Variants in CDK17 observed in about 807,000 individuals in gnomAD.
CDK17 encodes the protein cyclin dependent kinase 17.
Under a neutral mutation model 77.6 loss-of-function variants are expected in CDK17, and 24 were observed. The observed-to-expected ratio is 0.31, with a 90% CI of 0.22 to 0.44. The LOEUF is 0.44. Ranked by LOEUF, CDK17 falls within the 20% of genes least tolerant of loss-of-function variation. The probability of loss-of-function intolerance (pLI) is 1.00; values close to 1 mark genes in which losing one functional copy is unlikely to be tolerated. For missense variants in CDK17, 429 were observed against 622.5 expected (o/e 0.69, Z 3.31); for synonymous variants, 203 against 210.4 (o/e 0.96, Z 0.30).
chr12:96,361,635 A>G (rs1318734367), intron 1 of CDK17, among the ~76,000 whole-genome samples: 1 of 152,236 alleles, frequency 6.6e-6, no homozygotes, highest in East Asian at 1.9e-4. Context: ...TTAAATAATC[A>G]ATACCAAAAT....
At chr12:96,329,633 A>G (rs1192757006) in intron 2 of CDK17, among the ~76,000 whole-genome samples, 49 of 152,150 alleles carry the variant, frequency 3.2e-4, no homozygotes, top group African/African-American at 2.4e-5. Flanking sequence ...TTCAGCGTCA[A>G]CCTTTCAAGG....
intron 3 of CDK17, 139 bp from the exon 4 acceptor site, chr12:96,313,593 A>G (rs1370359074): frequency 2.2e-6 from 1 of 444,848 alleles, no homozygotes; most frequent in Non-Finnish European, 3.9e-6. Flanking sequence ...TGCCACAGGT[A>G]TGCAGTTAAT....
Position 96,279,608 on chromosome 12 carries a change from G to A in CDK17, c.*634C>T, listed in dbSNP as rs1198601978. ...TCCTCAAAATGTCAGGGATTCACTTGCTTGAATCAACTTCTGCATCACATG... is the reference window on the plus strand; with the variant it reads ...TCCTCAAAATGTCAGGGATTCACTTACTTGAATCAACTTCTGCATCACATG... On this transcript the variant is annotated 3_prime_UTR_variant, in exon 17 of 17. Transcript: ENST00000261211. 1.3e-5 allele frequency: 2 copies of A among 152,278 alleles called. No homozygotes were observed. Among genetic ancestry groups the A allele is most frequent in the Admixed American group, 6.5e-5 (1 of 15,278 alleles). The allele number at this position is 152,278 out of a possible 1,614,324, so 9.4% of individuals were successfully genotyped here. A position where few individuals can be genotyped will look rare whatever the true frequency, so the allele number is the denominator to read the frequency against.
intron 15 of CDK17, chr12:96,281,676 T>C (rs985586640): frequency 6.6e-6 from 1 of 152,262 alleles, no homozygotes; most frequent in Non-Finnish European, 1.5e-5. Context: ...GAAATACAAA[T>C]ATCTTTAAAA....
chr12:96,344,851 T>C (rs1953177592), intron 1 of CDK17, among the ~76,000 whole-genome samples: 1 of 152,184 alleles, frequency 6.6e-6, no homozygotes, highest in South Asian at 2.1e-4. Flanking sequence ...AGTTCTGGGG[T>C]ATATGTGCAA....
intron 1 of CDK17, among the ~76,000 whole-genome samples, chr12:96,390,436 C>T (rs552891061): frequency 7.4e-5 from 11 of 147,896 alleles, no homozygotes; most frequent in East Asian, 2.1e-4. Flanking sequence ...TGGCCAGGTG[C>T]GGTGGCTCAC....
At chr12:96,340,871 A>G (rs1953112017) in intron 1 of CDK17, among the ~76,000 whole-genome samples, 1 of 152,218 alleles carries the variant, frequency 6.6e-6, no homozygotes. Context: ...GCTCAGGAGT[A>G]CATGAACATG....
At chr12:96,282,642 T>C in intron 14 of CDK17, 43 bp from the exon 15 acceptor site, 1 of 1,343,636 alleles carries the variant, frequency 7.4e-7, no homozygotes, top group East Asian at 2.3e-5. Context: ...TTTTCTCTAA[T>C]TACTGCAAAA....
chr12:96,279,852 T>G lies in CDK17; in HGVS notation c.*390A>C. On this transcript the variant is annotated 3_prime_UTR_variant, in exon 17 of 17. Coordinates refer to ENST00000261211, the MANE Select transcript of CDK17 (RefSeq NM_002595.5). ...GTGAGGAGAAACAGATGCATTCACA[T>G]ATAATAAAGCCACTGCAACTTCTTC... is the stretch of plus-strand genomic sequence containing the variant. The G allele has an allele frequency of 6.1e-6, 1 of 165,056 alleles. No individual in the cohort carries two copies. Among genetic ancestry groups the G allele is most frequent in the Non-Finnish European group, 1.3e-5 (1 of 76,544 alleles). The allele number at this position is 165,056 out of a possible 1,614,324, so 10.2% of individuals were successfully genotyped here. A position where few individuals can be genotyped will look rare whatever the true frequency, so the allele number is the denominator to read the frequency against.
chr12:96,384,216 C>T (rs1953933202), intron 1 of CDK17, among the ~76,000 whole-genome samples: 1 of 152,132 alleles, frequency 6.6e-6, no homozygotes, highest in Non-Finnish European at 1.5e-5. Context: ...CATCTCACAC[C>T]AGTCAGAATG....
intron 1 of CDK17, among the ~76,000 whole-genome samples, chr12:96,392,149 A>G (rs1322592464): frequency 6.6e-6 from 1 of 152,256 alleles, no homozygotes; most frequent in Non-Finnish European, 1.5e-5. Context: ...ACTACAGTAT[A>G]CATAAATACT....
rs531692851 is a variant in CDK17, at chr12:96,354,701, T to A, written c.-29-19836A>T. 6.6e-5 allele frequency among the ~76,000 whole-genome samples: 10 copies of A among 152,178 alleles called. No individual in the cohort carries two copies. The South Asian group carries it at 2.1e-3, about 32-fold the overall frequency. On this transcript the variant is annotated intron_variant, in intron 1 of 16. Coordinates refer to ENST00000261211, the MANE Select transcript of CDK17 (RefSeq NM_002595.5). ...TCCAAGACCAGCCTTGGCAACATAG[T>A]GAGACCCCTCCTCTTAGGAAAAAAA...
At chr12:96,332,371 T>A (rs1004958546) in intron 2 of CDK17, among the ~76,000 whole-genome samples, 1 of 152,228 alleles carries the variant, frequency 6.6e-6, no homozygotes, top group Admixed American at 6.5e-5. Flanking sequence ...AAAGCTCACT[T>A]TTGCTTCATA....
chr12:96,373,830 G>A (rs1001598961), intron 1 of CDK17, among the ~76,000 whole-genome samples: 2 of 151,886 alleles, frequency 1.3e-5, no homozygotes, highest in African/African-American at 4.8e-5. Flanking sequence ...TGGGGCAGGA[G>A]AATCGCTTGA....
chr12:96,307,217 C>T (rs1273277838), intron 5 of CDK17, among the ~76,000 whole-genome samples: 1 of 152,054 alleles, frequency 6.6e-6, no homozygotes, highest in Non-Finnish European at 1.5e-5. Flanking sequence ...ATCGCTTGAA[C>T]CCGGGAGGCG....
chr12:96,297,833 G>C (rs1001987935), intron 7 of CDK17, 112 bp from the exon 8 acceptor site: 1 of 600,272 alleles, frequency 1.7e-6, no homozygotes, highest in African/African-American at 1.9e-5. Context: ...GGTCTTGGGC[G>C]GTGGCTCACC....
Position 96,286,005 on chromosome 12 carries a change from A to G in CDK17, c.1322+38T>C, listed in dbSNP as rs922201159. On this transcript the variant is annotated intron_variant, in intron 13 of 16. Transcript: ENST00000261211. Reference sequence around the variant, plus strand: ...ATCCTTCAAAAGATTGAAAAGAATCATGTGTTTTCCCCCCTTTCACATAAG... The same window carrying G: ...ATCCTTCAAAAGATTGAAAAGAATCGTGTGTTTTCCCCCCTTTCACATAAG... 7.1e-6 allele frequency: 7 copies of G among 982,084 alleles called. No homozygotes were observed. The African/African-American group carries it at 9.8e-5, about 14-fold the overall frequency. 60.8% of individuals were successfully genotyped at this position (982,084 alleles called of 1,614,324 possible). A position where few individuals can be genotyped will look rare whatever the true frequency, so the allele number is the denominator to read the frequency against.
At chr12:96,318,986 C>A (rs1197231820) in intron 3 of CDK17, among the ~76,000 whole-genome samples, 1 of 148,076 alleles carries the variant, frequency 6.8e-6, no homozygotes, top group African/African-American at 2.5e-5. Context: ...ACAAAAAACC[C>A]TTCAAAAATC....
At chr12:96,341,235 G>C (rs544143161) in intron 1 of CDK17, among the ~76,000 whole-genome samples, 1 of 152,072 alleles carries the variant, frequency 6.6e-6, no homozygotes, top group East Asian at 1.9e-4. Flanking sequence ...TCACATTTCA[G>C]TGTAAATGTC....
Sources: allele counts gnomAD v4.1 joint callset (sites outside exome capture counted in the v4.1 genomes callset), GRCh38; gene constraint gnomAD v4.1.1; transcripts MANE v1.5; gene names NCBI Gene and HGNC (gene_info 2026-07-23, HGNC 2026-07-21).